Variants in IGF2R observed in about 807,000 individuals in gnomAD.
The protein encoded by IGF2R is insulin like growth factor 2 receptor.
In IGF2R, 91 loss-of-function variants were observed where a neutral mutation model predicts 270.6. That is an observed-to-expected ratio of 0.34 (90% CI 0.28 to 0.40). IGF2R has a LOEUF of 0.40. Ranked by LOEUF, IGF2R falls within the 10% of genes least tolerant of loss-of-function variation. The probability of loss-of-function intolerance (pLI) is 1.00; values close to 1 mark genes in which losing one functional copy is unlikely to be tolerated. For synonymous variants in IGF2R, 1,316 were observed against 1,258.9 expected, an observed-to-expected ratio of 1.05 and a Z score of -0.96; for missense variants, 2,805 against 3,188.3, an observed-to-expected ratio of 0.88 and a Z score of 2.90.
At chr6:160,100,807 T>C (rs1779468304) in intron 45 of IGF2R, among the ~76,000 whole-genome samples, 1 of 121,458 alleles carries the variant, frequency 8.2e-6, no homozygotes, top group Non-Finnish European at 1.6e-5. Context: ...TTTTTTTTTT[T>C]GGAGACAGAG....
At chr6:160,064,643 G>T in intron 28 of IGF2R, 112 bp downstream of exon 28, 1 of 1,285,576 alleles carries the variant, frequency 7.8e-7, no homozygotes, top group Non-Finnish European at 1.1e-6. Flanking sequence ...GGTTAACTGA[G>T]TTTAAAATAA....
At chr6:160,015,052 A>G (rs571347747) in intron 4 of IGF2R, among the ~76,000 whole-genome samples, 45 of 152,302 alleles carry the variant, frequency 3.0e-4, no homozygotes, top group Non-Finnish European at 4.9e-4. Flanking sequence ...GATTCACTCT[A>G]TTAGCTCTCC....
chr6:159,989,040 C>G (rs1171294989), intron 1 of IGF2R, among the ~76,000 whole-genome samples: 2 of 152,124 alleles, frequency 1.3e-5, no homozygotes, highest in Non-Finnish European at 2.9e-5. Flanking sequence ...GCTGAAAAAG[C>G]TGAGCTGAGG....
At position 160,106,003 on chromosome 6, in the gene IGF2R, T is replaced by C. The variant is rs931883386; in HGVS notation, c.*919T>C. ...GATTTGGGGTATAGGTCTCATCTCT[T>C]CAGGTTCTCATGATACCACCTTTAC... On this transcript the variant is annotated 3_prime_UTR_variant, in exon 48 of 48. Transcript: ENST00000356956. 28 of 152,264 alleles carry C rather than the reference T, an allele frequency of 1.8e-4. No individual in the cohort carries two copies. Among genetic ancestry groups the C allele is most frequent in the African/African-American group, 6.8e-4 (28 of 41,408 alleles). 9.4% of individuals were successfully genotyped at this position (152,264 alleles called of 1,614,324 possible). A position where few individuals can be genotyped will look rare whatever the true frequency, so the allele number is the denominator to read the frequency against.
Position 160,096,432 on chromosome 6 carries a change from T to G in IGF2R, c.6656-7T>G. ...GACATGCCATGTGTGCCCTTCCCGTTTGACAGACGGCGATCTCGATGTCGT... is the reference window on the plus strand; with the variant it reads ...GACATGCCATGTGTGCCCTTCCCGTGTGACAGACGGCGATCTCGATGTCGT... On this transcript the variant is annotated splice_region_variant and splice_polypyrimidine_tract_variant and intron_variant, in intron 44 of 47. Coordinates refer to ENST00000356956, the MANE Select transcript of IGF2R (RefSeq NM_000876.4). 1 of 1,608,390 alleles carries G rather than the reference T, an allele frequency of 6.2e-7. No homozygotes were observed. The highest frequency in any genetic ancestry group is 8.5e-7 in the Non-Finnish European group (1 of 1,176,168).
intron 10 of IGF2R, among the ~76,000 whole-genome samples, chr6:160,035,189 T>C (rs1777790761): frequency 6.6e-6 from 1 of 152,166 alleles, no homozygotes; most frequent in African/African-American, 2.4e-5. Context: ...CCAGGCACCC[T>C]GCAGGGCATC....
intron 7 of IGF2R, among the ~76,000 whole-genome samples, chr6:160,032,092 A>G (rs1347688368): frequency 1.3e-5 from 2 of 152,190 alleles, no homozygotes; most frequent in African/African-American, 4.8e-5. Context: ...TTGTGCACGC[A>G]TGTGATAATG....
intron 36 of IGF2R, 131 bp from the exon 37 acceptor site, chr6:160,078,070 T>C: frequency 1.2e-6 from 1 of 823,586 alleles, no homozygotes; most frequent in Non-Finnish European, 2.0e-6. Context: ...TTTCAGCTGC[T>C]GTTGTCTAGC....
At chr6:160,065,323 G>A (rs8191866) in intron 29 of IGF2R, among the ~76,000 whole-genome samples, 1 of 152,128 alleles carries the variant, frequency 6.6e-6, no homozygotes, top group South Asian at 2.1e-4. Context: ...GTGGGTCTGC[G>A]GTTCTGTTTT....
At chr6:159,992,366 C>T (rs951133472) in intron 2 of IGF2R, among the ~76,000 whole-genome samples, 2 of 152,190 alleles carry the variant, frequency 1.3e-5, no homozygotes, top group Non-Finnish European at 2.9e-5. Flanking sequence ...TCTAATTCCT[C>T]ACCCCCCAAC....
intron 3 of IGF2R, among the ~76,000 whole-genome samples, chr6:160,009,396 C>T (rs1314757816): frequency 6.6e-6 from 1 of 152,190 alleles, no homozygotes; most frequent in Non-Finnish European, 1.5e-5. Context: ...AATCAGTGCA[C>T]TGTTTAATGT....
intron 37 of IGF2R, 118 bp from the exon 38 acceptor site, chr6:160,079,462 G>T: frequency 3.2e-6 from 2 of 630,330 alleles, no homozygotes; most frequent in Non-Finnish European, 2.4e-6. Context: ...GCACACAGAG[G>T]AGTCTTTGCT....
At chr6:160,068,116 CA>C in intron 29 of IGF2R, 132 bp from the exon 30 acceptor site, 1 of 734,070 alleles carries the variant, frequency 1.4e-6, no homozygotes, top group Non-Finnish European at 2.2e-6. Context: ...GTGACAGAGA[CA>C]GAGAGAAGTC....
intron 9 of IGF2R, among the ~76,000 whole-genome samples, chr6:160,033,743 T>C (rs1777752366): frequency 6.6e-6 from 1 of 152,242 alleles, no homozygotes; most frequent in Non-Finnish European, 1.5e-5. Flanking sequence ...TTAAGGAGTT[T>C]TGATTTTTCT....
At chr6:160,024,361 C>T (rs1268258947) in intron 4 of IGF2R, among the ~76,000 whole-genome samples, 1 of 152,062 alleles carries the variant, frequency 6.6e-6, no homozygotes, top group Non-Finnish European at 1.5e-5. Flanking sequence ...GATGATTGCA[C>T]AACAGTCCTC....
In IGF2R at chr6:160,044,666, T is replaced by C. The variant is rs1401592909; in HGVS notation, c.1765+9T>C. The C allele has an allele frequency of 1.3e-6, 2 of 1,592,564 alleles. No homozygotes were observed. Among genetic ancestry groups the C allele is most frequent in the Non-Finnish European group, 1.7e-6 (2 of 1,173,492 alleles). On this transcript the variant is annotated intron_variant, in intron 13 of 47. Transcript: ENST00000356956. ...ACTTGTATGCAAGCCAGGTAAAAAT[T>C]TTAAAAAAGATGAAATCTTTTCTGG...
chr6:160,072,786 C>T lies in IGF2R; in HGVS notation c.4592C>T (p.Ser1531Phe). 1 of 1,614,200 alleles carries T rather than the reference C, an allele frequency of 6.2e-7. No homozygotes were observed. The highest frequency in any genetic ancestry group is 8.5e-7 in the Non-Finnish European group (1 of 1,180,028). The stretch of plus-strand genomic sequence containing the variant: ...ACAGGACACCTGTTTGATCTGAGCT[C>T]CTTAAGTGGCAGGGCGGGATTCACA... ...PSTGHLFDLS[S>F]LSGRAGFTAA... is the part of the protein sequence containing the mutation. The change falls in exon 33 of 48, where the codon TCC becomes TTC. Residue 1531 changes from serine to phenylalanine, a missense_variant. By Grantham distance (155) the Ser-to-Phe change is radical. Coordinates refer to ENST00000356956, the MANE Select transcript of IGF2R (RefSeq NM_000876.4).
At chr6:160,100,671 C>G (rs1318501589) in intron 45 of IGF2R, among the ~76,000 whole-genome samples, 1 of 134,836 alleles carries the variant, frequency 7.4e-6, no homozygotes, top group Non-Finnish European at 1.6e-5. Flanking sequence ...ACATCAAACA[C>G]TTAGAAAACT....
In IGF2R at chr6:160,084,995, G is replaced by C; in HGVS notation, c.6069G>C (p.Ser2023=). The C allele has an allele frequency of 6.2e-7, 1 of 1,613,348 alleles. No homozygotes were observed. Among genetic ancestry groups the C allele is most frequent in the Non-Finnish European group, 8.5e-7 (1 of 1,179,414 alleles). ...GSWSLVHNGV[S]YYINLCQKIY... ...CCTGCCCCTTTGTGTCGTTTTCTAG[G>C]TACTATATAAATCTGTGCCAGAAAA... The change falls in exon 41 of 48, where the codon TCG becomes TCC. Residue 2023 remains serine, a splice_region_variant and synonymous_variant. Coordinates refer to ENST00000356956, the MANE Select transcript of IGF2R (RefSeq NM_000876.4). This position sits in a 1 kb window ranked among gnomAD's most constrained non-coding sequence, Gnocchi z 4.6.
Sources: gnomAD v4.1 joint callset for allele counts (sites outside exome capture counted in the v4.1 genomes callset) on GRCh38, gnomAD v4.1.1 for gene constraint, Gnocchi (gnomAD v3.1) non-coding constraint, MANE v1.5 for transcripts, NCBI Gene and HGNC (gene_info 2026-07-23, HGNC 2026-07-21) for gene names.